Variants in FOCAD observed in about 807,000 individuals in gnomAD.
The protein encoded by FOCAD is focadhesin.
A neutral mutation model predicts 225.6 loss-of-function variants in FOCAD; 198 were observed. The ratio of observed to expected loss-of-function variants is 0.88; its 90% CI spans 0.78 to 0.99. The LOEUF (loss-of-function observed/expected upper bound fraction) is 0.99, where lower values mean the gene tolerates loss of function less well. FOCAD is among the 50% of genes least tolerant of loss of function. The pLI, the probability that FOCAD is intolerant of heterozygous loss-of-function variation, is 0.00. For synonymous variants in FOCAD, 897 were observed against 755.0 expected (o/e 1.19, Z -3.08); for missense variants, 2,713 against 2,123.6 (o/e 1.28, Z -5.46).
chr9:20,801,664 A>G (rs1424752773), intron 11 of FOCAD, among the ~76,000 whole-genome samples: 3 of 152,164 alleles, frequency 2.0e-5, no homozygotes, highest in Admixed American at 6.5e-5. Context: ...AGTAAAATAC[A>G]TATCTGGATG....
chr9:20,731,370 T>G (rs1826686978), intron 4 of FOCAD, among the ~76,000 whole-genome samples: 1 of 152,240 alleles, frequency 6.6e-6, no homozygotes, highest in Non-Finnish European at 1.5e-5. Flanking sequence ...ACAGTTATCC[T>G]ATTTGCTAAA....
chr9:20,798,531 T>C (rs182576932), intron 11 of FOCAD, among the ~76,000 whole-genome samples: 1 of 152,342 alleles, frequency 6.6e-6, no homozygotes, highest in East Asian at 1.9e-4. Flanking sequence ...CAGAGCCTGT[T>C]ATTGGTCTAT....
At chr9:20,915,404 A>G (rs1038379943) in intron 23 of FOCAD, among the ~76,000 whole-genome samples, 4 of 152,206 alleles carry the variant, frequency 2.6e-5, no homozygotes, top group African/African-American at 9.6e-5. Flanking sequence ...AAAAGAGAGT[A>G]AAATCTTAAA....
At chr9:20,668,951 CATCTCTGGGCTGACATT>C (rs1587184091) in intron 2 of FOCAD, among the ~76,000 whole-genome samples, 1 of 152,086 alleles carries the variant, frequency 6.6e-6, no homozygotes, top group East Asian at 1.9e-4. Context: ...CCTCCCCACC[CATCTCTGGGCTGACATT>C]TTCAAAGGAC....
intron 15 of FOCAD, among the ~76,000 whole-genome samples, chr9:20,829,080 A>T (rs896313069): frequency 6.6e-6 from 1 of 152,116 alleles, no homozygotes; most frequent in Admixed American, 6.5e-5. Flanking sequence ...GCTATTGTGA[A>T]TAGTGCTGCC....
At chr9:20,946,177 T>G (rs571256630) in intron 29 of FOCAD, among the ~76,000 whole-genome samples, 3 of 152,320 alleles carry the variant, frequency 2.0e-5, no homozygotes, top group African/African-American at 7.2e-5. Flanking sequence ...TATTCCTATT[T>G]TATACAATTT....
At chr9:20,804,924 C>G (rs949644741) in intron 11 of FOCAD, among the ~76,000 whole-genome samples, 4 of 152,052 alleles carry the variant, frequency 2.6e-5, no homozygotes, top group African/African-American at 9.7e-5. Flanking sequence ...AAAAAATTTA[C>G]CTAATTTGAT....
intron 4 of FOCAD, among the ~76,000 whole-genome samples, chr9:20,735,026 T>A (rs1827030630): frequency 6.6e-6 from 1 of 152,198 alleles, no homozygotes; most frequent in South Asian, 2.1e-4. Context: ...CAATTTGCTC[T>A]GCACAAAGGC....
rs10629839 is a variant in FOCAD, at chr9:20,866,888, CTTTTTTTTTTTTTT to C, written c.2107-25_2107-12del. On this transcript the variant is annotated intron_variant, in intron 17 of 43. Transcript: ENST00000338382. ...CATGTTGTGTTTTTTTGTTTGCTTG[CTTTTTTTTTTTTTT>C]TTTTTTTTTTTTTTTACCCTATCTA... 1,620 of 341,744 alleles carry C rather than the reference CTTTTTTTTTTTTTT, an allele frequency of 4.7e-3. 3 individuals are homozygous for C. Among genetic ancestry groups the C allele is most frequent in the Admixed American group, 0.039 (580 of 14,856 alleles). The allele number at this position is 341,744 out of a possible 1,614,324, so 21.2% of individuals were successfully genotyped here.
At chr9:20,896,942 T>C (rs924973113) in intron 21 of FOCAD, 4 of 151,824 alleles carry the variant, frequency 2.6e-5, no homozygotes, top group African/African-American at 9.7e-5. Context: ...TTCAACTGTG[T>C]CTTTACTGCT....
chr9:20,845,228 T>TGTGTCTCATG (rs1826958262), intron 15 of FOCAD, among the ~76,000 whole-genome samples: 1 of 151,982 alleles, frequency 6.6e-6, no homozygotes, highest in African/African-American at 2.4e-5. Context: ...TGCTCAAAAA[T>TGTGTCTCATG]CAGAAAATAT....
At chr9:20,987,427 G>A (rs539504020) in intron 40 of FOCAD, among the ~76,000 whole-genome samples, 1 of 151,728 alleles carries the variant, frequency 6.6e-6, no homozygotes, top group Admixed American at 6.6e-5. Flanking sequence ...AGAATTGCTT[G>A]AACCCAGGAG....
At position 20,764,949 on chromosome 9, in the gene FOCAD, C is replaced by G. The variant is rs779092493; in HGVS notation, c.575C>G (p.Ala192Gly). ...GAACCATCTCAGTTACAAGAATATG[C>G]TAAACTCCGACTAGCCCTGCTGAAA... ...YCEPSQLQEYAKLRLALLKVL... is the reference protein window; with the variant it reads ...YCEPSQLQEYGKLRLALLKVL... Residue 192 changes from alanine (A) to glycine (G), a missense_variant, in exon 7 of 44, where the codon GCT (alanine) becomes GGT (glycine). By Grantham distance (60) the Ala-to-Gly change is moderately conservative (BLOSUM62 0). Coordinates refer to ENST00000338382, the MANE Select transcript of FOCAD (RefSeq NM_001375567.1). 5.0e-6 allele frequency: 8 copies of G among 1,614,100 alleles called. No individual in the cohort carries two copies. In the South Asian group the frequency reaches 5.5e-5, roughly 11 times the overall value.
intron 28 of FOCAD, among the ~76,000 whole-genome samples, chr9:20,936,391 A>C (rs1321374514): frequency 6.6e-6 from 1 of 152,222 alleles, no homozygotes; most frequent in African/African-American, 2.4e-5. Flanking sequence ...AAAGGGTTTC[A>C]TCAGGAATAA....
intron 1 of FOCAD, among the ~76,000 whole-genome samples, chr9:20,699,804 A>G (rs1313053624): frequency 8.1e-6 from 1 of 123,790 alleles, no homozygotes; most frequent in Non-Finnish European, 1.7e-5. Flanking sequence ...ATATATATAT[A>G]TATATATATA....
intron 5 of FOCAD, among the ~76,000 whole-genome samples, chr9:20,747,719 T>A (rs1163300057): frequency 6.6e-6 from 1 of 152,102 alleles, no homozygotes; most frequent in Non-Finnish European, 1.5e-5. Flanking sequence ...TTCATTCATG[T>A]TGTAGCATGC....
intron 21 of FOCAD, among the ~76,000 whole-genome samples, chr9:20,891,796 G>A (rs1290319062): frequency 6.6e-6 from 1 of 152,202 alleles, no homozygotes; most frequent in Non-Finnish European, 1.5e-5. Flanking sequence ...TAGGATCATT[G>A]ATGAAGATGG....
intron 21 of FOCAD, among the ~76,000 whole-genome samples, chr9:20,890,768 G>A (rs577949493): frequency 1.6e-4 from 24 of 152,162 alleles, no homozygotes; most frequent in African/African-American, 5.8e-4. Context: ...TAAATGTTGG[G>A]TAGAATTCTC....
intron 21 of FOCAD, among the ~76,000 whole-genome samples, chr9:20,896,011 G>C (rs1258157632): frequency 6.6e-6 from 1 of 151,760 alleles, no homozygotes; most frequent in East Asian, 1.9e-4. Flanking sequence ...GTGTTTTGTA[G>C]ATATTCTTAT....
Sources: gnomAD v4.1 joint callset for allele counts (sites outside exome capture counted in the v4.1 genomes callset) on GRCh38, gnomAD v4.1.1 for gene constraint, MANE v1.5 for transcripts, NCBI Gene and HGNC (gene_info 2026-07-23, HGNC 2026-07-21) for gene names.